ZNF774: variants seen among roughly 807,000 people sequenced by gnomAD.
The protein encoded by ZNF774 is zinc finger protein 774.
A neutral mutation model predicts 11.1 loss-of-function variants in ZNF774; 14 were observed. The observed-to-expected ratio is 1.26, with a 90% CI of 0.83 to 1.97. The LOEUF (loss-of-function observed/expected upper bound fraction) is 1.97. Ranked by LOEUF, ZNF774 falls within the 30% of genes most tolerant of loss-of-function variation. The pLI, the probability that ZNF774 is intolerant of heterozygous loss-of-function variation, is 0.00. For missense variants in ZNF774, 599 were observed against 587.0 expected (o/e 1.02, Z -0.21); for synonymous variants, 195 against 212.6 (o/e 0.92, Z 0.72).
intron 1 of ZNF774, 43 bp downstream of exon 1, chr15:90,352,454 T>G (rs2151679782): frequency 6.6e-6 from 1 of 152,434 alleles, no homozygotes; most frequent in East Asian, 1.9e-4. Context: ...AGCGGCGCGC[T>G]GCTGAGGGGC....
At chr15:90,359,335 G>T (rs1340311976) in intron 3 of ZNF774, among the ~76,000 whole-genome samples, 1 of 151,402 alleles carries the variant, frequency 6.6e-6, no homozygotes, top group Non-Finnish European at 1.5e-5. Flanking sequence ...GCCTCCCAAA[G>T]TGCTGGGATT....
intron 1 of ZNF774, among the ~76,000 whole-genome samples, chr15:90,353,519 A>C (rs887083014): frequency 6.6e-6 from 1 of 150,648 alleles, no homozygotes; most frequent in Non-Finnish European, 1.5e-5. Context: ...GAAAGAGTAA[A>C]ACTTCTTCAC....
At chr15:90,354,541 TG>T in intron 1 of ZNF774, 100 bp from the exon 2 acceptor site, 1 of 697,812 alleles carries the variant, frequency 1.4e-6, no homozygotes, top group Admixed American at 2.6e-5. Context: ...TGGTCAGGTG[TG>T]GGGGGTTGTT....
rs1307310653 is a variant in ZNF774 at position 90,362,233 on chromosome 15, C to T, written c.*950C>T. On this transcript the variant is annotated 3_prime_UTR_variant, in exon 4 of 4. Coordinates refer to ENST00000354377, the MANE Select transcript of ZNF774 (RefSeq NM_001004309.3). ...CACTGCCATGACAAGGCCAAATTAT[C>T]GTAGAGGATGTTTGCGGTCTTGTGA... 4.4e-5 allele frequency: 13 copies of T among 293,940 alleles called. No homozygotes were observed. Among genetic ancestry groups the T allele is most frequent in the South Asian group, 1.7e-4 (3 of 17,390 alleles). 18.2% of individuals were successfully genotyped at this position (293,940 alleles called of 1,614,324 possible).
chr15:90,359,956 A>C, intron 3 of ZNF774, 87 bp from the exon 4 acceptor site: 3 of 1,424,888 alleles, frequency 2.1e-6, no homozygotes, highest in Non-Finnish European at 2.8e-6. Context: ...CTGCAGAAAC[A>C]GGGATTTTAA....
In ZNF774 at chr15:90,361,640, C is replaced by T. The variant is rs1287845558; in HGVS notation, c.*357C>T. On this transcript the variant is annotated 3_prime_UTR_variant, in exon 4 of 4. Coordinates refer to ENST00000354377, the MANE Select transcript of ZNF774 (RefSeq NM_001004309.3). ...CAGCCTGGTGAGCATGGTGAAACCTCATCTCTACTAAAAATGCAAAAATTA... is the reference window on the plus strand; with the variant it reads ...CAGCCTGGTGAGCATGGTGAAACCTTATCTCTACTAAAAATGCAAAAATTA... 7 of 578,908 alleles carry T rather than the reference C, an allele frequency of 1.2e-5. No individual in the cohort carries two copies. Among genetic ancestry groups the T allele is most frequent in the Non-Finnish European group, 1.6e-5 (7 of 449,882 alleles). The allele number at this position is 578,908 out of a possible 1,614,324, so 35.9% of individuals were successfully genotyped here.
chr15:90,355,436 A>T (rs1964229837), intron 2 of ZNF774: 1 of 455,836 alleles, frequency 2.2e-6, no homozygotes, highest in Non-Finnish European at 4.4e-6. Flanking sequence ...TCTGTCACTT[A>T]AAAACAGGCT....
intron 3 of ZNF774, 39 bp from the exon 4 acceptor site, chr15:90,360,004 T>C: frequency 6.5e-7 from 1 of 1,542,238 alleles, no homozygotes; most frequent in South Asian, 1.3e-5. Flanking sequence ...TCCTGATAAC[T>C]GATAACTTTA....
At position 90,362,381 on chromosome 15, in the gene ZNF774, T is replaced by C; in HGVS notation, c.*1098T>C. The C allele has an allele frequency of 1.6e-6, 1 of 631,064 alleles. No individual in the cohort carries two copies. The highest frequency in any genetic ancestry group is 2.8e-6 in the Non-Finnish European group (1 of 357,608). 39.1% of individuals were successfully genotyped at this position (631,064 alleles called of 1,614,324 possible). Reference sequence around the variant, plus strand: ...CTACAATGAACAAGCCAGAGGGACCTGGTAGAGGACTATAAAATTGTGGAA... The same window carrying C: ...CTACAATGAACAAGCCAGAGGGACCCGGTAGAGGACTATAAAATTGTGGAA... On this transcript the variant is annotated 3_prime_UTR_variant, in exon 4 of 4. Coordinates refer to ENST00000354377, the MANE Select transcript of ZNF774 (RefSeq NM_001004309.3).
At chr15:90,357,982 G>T (rs1035534956) in intron 2 of ZNF774, among the ~76,000 whole-genome samples, 1 of 149,812 alleles carries the variant, frequency 6.7e-6, no homozygotes. Context: ...CATAACCTCT[G>T]CCTCCTGGGT....
In ZNF774 at chr15:90,360,459, A is replaced by C. The variant is rs767419690; in HGVS notation, c.628A>C (p.Lys210Gln). Reference protein sequence around the residue: ...THTGEKPYQCKGCEKKFSDSS... With the variant: ...THTGEKPYQCQGCEKKFSDSS... ...CACAGGAGAGAAGCCCTACCAATGC[A>C]AGGGGTGTGAGAAGAAATTCAGCGA... The change falls in exon 4 of 4, where the codon AAG (lysine) becomes CAG (glutamine). Residue 210 changes from lysine (K) to glutamine (Q), a missense_variant. Transcript: ENST00000354377. The C allele has an allele frequency of 6.2e-7, 1 of 1,613,690 alleles. No individual in the cohort carries two copies. The highest frequency in any genetic ancestry group is 2.2e-5 in the East Asian group (1 of 44,878).
chr15:90,360,106 C>T lies in ZNF774; in HGVS notation c.275C>T (p.Thr92Ile). 6.2e-7 allele frequency: 1 copy of T among 1,614,154 alleles called. No individual in the cohort carries two copies. Among genetic ancestry groups the T allele is most frequent in the Non-Finnish European group, 8.5e-7 (1 of 1,180,022 alleles). The change falls in exon 4 of 4, where the codon ACA (threonine) becomes ATA (isoleucine). Residue 92 changes from threonine (T) to isoleucine (I), a missense_variant. By Grantham distance (89) the Thr-to-Ile change is moderately conservative (BLOSUM62 -1). Coordinates refer to ENST00000354377, the MANE Select transcript of ZNF774 (RefSeq NM_001004309.3). The stretch of plus-strand genomic sequence containing the variant: ...TCTGAAACAGCAGAACAATGTGGAA[C>T]ATCCTCAGAAAGGACCAATAAAGAT... ...DNSETAEQCG[T>I]SSERTNKDLS...
Position 90,360,850 on chromosome 15 carries a change from C to G in ZNF774, c.1019C>G (p.Thr340Ser). ...TCTCATTTTGTAGCTCACATGAGCACTCATTCAGGAGAGAGGCCTTTCAGT... is the reference window on the plus strand; with the variant it reads ...TCTCATTTTGTAGCTCACATGAGCAGTCATTCAGGAGAGAGGCCTTTCAGT... ...DSSHFVAHMS[T>S]HSGERPFSCP... The change falls in exon 4 of 4, where the codon ACT (threonine) becomes AGT (serine). Residue 340 changes from threonine (T) to serine (S), a missense_variant. Coordinates refer to ENST00000354377, the MANE Select transcript of ZNF774 (RefSeq NM_001004309.3). 6.2e-7 allele frequency: 1 copy of G among 1,614,132 alleles called. No individual in the cohort carries two copies. The highest frequency in any genetic ancestry group is 1.1e-5 in the South Asian group (1 of 91,090).
chr15:90,360,468 G>A lies in ZNF774; in HGVS notation c.637G>A (p.Glu213Lys). 2 of 1,613,784 alleles carry A rather than the reference G, an allele frequency of 1.2e-6. No individual in the cohort carries two copies. The highest frequency in any genetic ancestry group is 1.7e-6 in the Non-Finnish European group (2 of 1,180,018). Residue 213 changes from glutamate (E) to lysine (K), a missense_variant, in exon 4 of 4, where the codon GAG becomes AAG. Glu to Lys is a moderately conservative substitution (Grantham distance 56). Transcript: ENST00000354377. ...GEKPYQCKGC[E>K]KKFSDSSTLI... is the part of the protein sequence containing the mutation. The stretch of plus-strand genomic sequence containing the variant: ...GAAGCCCTACCAATGCAAGGGGTGT[G>A]AGAAGAAATTCAGCGACAGCTCAAC...
chr15:90,360,635 T>C lies in ZNF774; in HGVS notation c.804T>C (p.Cys268=). The change falls in exon 4 of 4, where the codon TGT becomes TGC. Residue 268 remains cysteine (C), a synonymous_variant. Transcript: ENST00000354377. ...TGEKPYACLE[C]HKSFSRSSNF... ...AGAAGCCCTACGCGTGCCTGGAATG[T>C]CACAAAAGCTTCAGTCGAAGCTCAA... 1.3e-5 allele frequency: 21 copies of C among 1,614,132 alleles called. No individual in the cohort carries two copies. The highest frequency in any genetic ancestry group is 1.7e-5 in the Non-Finnish European group (20 of 1,180,028).
Position 90,360,158 on chromosome 15 carries a change from A to C in ZNF774, c.327A>C (p.Gly109=). The C allele has an allele frequency of 6.2e-7, 1 of 1,614,212 alleles. No homozygotes were observed. Among genetic ancestry groups the C allele is most frequent in the Non-Finnish European group, 8.5e-7 (1 of 1,180,042 alleles). The change falls in exon 4 of 4, where the codon GGA becomes GGC. Residue 109 remains glycine (G), a synonymous_variant. Transcript: ENST00000354377. The part of the protein sequence containing the change: ...KDLSHTLSWG[G]NWEQGLELEG... Reference sequence around the variant, plus strand: ...TTTCTCATACTCTTAGTTGGGGAGGAAACTGGGAGCAAGGCCTAGAATTAG... The same window carrying C: ...TTTCTCATACTCTTAGTTGGGGAGGCAACTGGGAGCAAGGCCTAGAATTAG...
At position 90,360,437 on chromosome 15, in the gene ZNF774, A is replaced by G; in HGVS notation, c.606A>G (p.Thr202=). Residue 202 remains threonine (T), a synonymous_variant, in exon 4 of 4, where the codon ACA becomes ACG. Transcript: ENST00000354377. ...SDLVTHRRTH[T]GEKPYQCKGC... ...TTGTCACCCATCGCAGAACACACAC[A>G]GGAGAGAAGCCCTACCAATGCAAGG... The G allele has an allele frequency of 6.2e-7, 1 of 1,613,866 alleles. No individual in the cohort carries two copies. Among genetic ancestry groups the G allele is most frequent in the Non-Finnish European group, 8.5e-7 (1 of 1,180,040 alleles).
intron 2 of ZNF774, among the ~76,000 whole-genome samples, chr15:90,358,152 C>T (rs546643114): frequency 6.6e-6 from 1 of 152,138 alleles, no homozygotes; most frequent in Non-Finnish European, 1.5e-5. Flanking sequence ...TCCCAAAGTT[C>T]TGGGATTATA....
At chr15:90,356,693 T>C (rs1289774974) in intron 2 of ZNF774, among the ~76,000 whole-genome samples, 3 of 152,232 alleles carry the variant, frequency 2.0e-5, no homozygotes, top group African/African-American at 7.2e-5. Flanking sequence ...CATTCTTTCT[T>C]CCATGTTGTA....
Sources: allele counts gnomAD v4.1 joint callset (sites outside exome capture counted in the v4.1 genomes callset), GRCh38; gene constraint gnomAD v4.1.1; transcripts MANE v1.5; gene names NCBI Gene and HGNC (gene_info 2026-07-23, HGNC 2026-07-21).